ADAM2: variants seen among roughly 807,000 people sequenced by gnomAD.
ADAM2 encodes the protein disintegrin and metalloproteinase domain-containing protein 2.
Under a neutral mutation model 99.3 loss-of-function variants are expected in ADAM2, and 101 were observed. That is an observed-to-expected ratio of 1.02 (90% CI 0.87 to 1.20). The LOEUF (loss-of-function observed/expected upper bound fraction) is 1.20. Ranked by LOEUF, ADAM2 falls within the 50% of genes most tolerant of loss-of-function variation. The pLI is 0.00. For missense variants in ADAM2, 948 were observed against 878.7 expected, an observed-to-expected ratio of 1.08 and a Z score of -1.00; for synonymous variants, 323 against 287.6, an observed-to-expected ratio of 1.12 and a Z score of -1.25.
Position 39,837,213 on chromosome 8 carries a change from C to A in ADAM2, c.56-1G>T, listed in dbSNP as rs1563391033. On this transcript the variant is annotated splice_acceptor_variant, in intron 1 of 20. Coordinates refer to ENST00000265708, the MANE Select transcript of ADAM2 (RefSeq NM_001464.5). LOFTEE classifies it high-confidence loss of function. ...ATTTGCACAGGTAAACTATCAAAAT[C>A]TGCAAAATGTGCAAAATGTTTTATT... The A allele has an allele frequency of 6.2e-7, 1 of 1,602,358 alleles. No homozygotes were observed. Among genetic ancestry groups the A allele is most frequent in the South Asian group, 1.1e-5 (1 of 89,180 alleles).
At chr8:39,779,673 T>C (rs1803140265) in intron 10 of ADAM2, among the ~76,000 whole-genome samples, 1 of 152,150 alleles carries the variant, frequency 6.6e-6, no homozygotes, top group Non-Finnish European at 1.5e-5. Context: ...TTTTGGTGAA[T>C]ATACCTGTTT....
At chr8:39,837,998 G>A (rs1044622755) in intron 1 of ADAM2, 133 bp downstream of exon 1, 33 of 947,014 alleles carry the variant, frequency 3.5e-5, no homozygotes, top group Admixed American at 6.5e-5. Context: ...GCAATGTCGG[G>A]GATGAGCTTG....
chr8:39,756,856 T>C (rs982120659), intron 15 of ADAM2, among the ~76,000 whole-genome samples: 9 of 152,184 alleles, frequency 5.9e-5, no homozygotes, highest in African/African-American at 2.2e-4. Context: ...CATTCTGTGA[T>C]CATGAAAGAT....
intron 18 of ADAM2, among the ~76,000 whole-genome samples, chr8:39,748,816 G>A (rs936244694): frequency 2.6e-5 from 4 of 152,090 alleles, no homozygotes; most frequent in African/African-American, 7.2e-5. Flanking sequence ...AACAGTGACT[G>A]TATATTCTCT....
chr8:39,797,870 G>A (rs1445354993), intron 7 of ADAM2, among the ~76,000 whole-genome samples: 1 of 152,198 alleles, frequency 6.6e-6, no homozygotes, highest in Non-Finnish European at 1.5e-5. Flanking sequence ...AGGAATGCTT[G>A]TGATTTTTGC....
Position 39,767,278 on chromosome 8 carries a change from G to A in ADAM2, c.1213-27C>T. The A allele has an allele frequency of 1.9e-6, 3 of 1,558,910 alleles. No individual in the cohort carries two copies. In the African/African-American group the frequency reaches 4.1e-5, roughly 21 times the overall value. On this transcript the variant is annotated intron_variant, in intron 12 of 20. Coordinates refer to ENST00000265708, the MANE Select transcript of ADAM2 (RefSeq NM_001464.5). Reference sequence around the variant, plus strand: ...TGTAAGGCAAATCAAATGCTCTGAAGTATTTTCCAACTTGTATTCATATTG... The same window carrying A: ...TGTAAGGCAAATCAAATGCTCTGAAATATTTTCCAACTTGTATTCATATTG...
chr8:39,798,923 T>C (rs184665745), intron 7 of ADAM2, among the ~76,000 whole-genome samples: 1 of 152,222 alleles, frequency 6.6e-6, no homozygotes, highest in African/African-American at 2.4e-5. Context: ...CTGGTTCTTC[T>C]CTCTTTTCTT....
intron 15 of ADAM2, among the ~76,000 whole-genome samples, chr8:39,760,363 A>G (rs2129583699): frequency 6.6e-6 from 1 of 152,304 alleles, no homozygotes; most frequent in East Asian, 1.9e-4. Context: ...AGGTCACACA[A>G]ATAGGTAAAG....
intron 4 of ADAM2, 131 bp downstream of exon 4, chr8:39,824,688 A>T (rs1805329347): frequency 1.5e-6 from 1 of 653,180 alleles, no homozygotes; most frequent in Non-Finnish European, 2.7e-6. Context: ...ATACATCATT[A>T]ACAGGAAAAC....
chr8:39,786,456 G>A (rs1483700662), intron 10 of ADAM2, among the ~76,000 whole-genome samples: 1 of 151,976 alleles, frequency 6.6e-6, no homozygotes, highest in Non-Finnish European at 1.5e-5. Context: ...AATAGTGATA[G>A]TATTATGAAA....
intron 4 of ADAM2, among the ~76,000 whole-genome samples, chr8:39,822,774 G>GT (rs955502343): frequency 2.0e-5 from 3 of 150,130 alleles, no homozygotes; most frequent in African/African-American, 7.3e-5. Flanking sequence ...TTTGTTTTTT[G>GT]TTTTTTGCTT....
At chr8:39,754,781 G>A (rs1042185642) in intron 16 of ADAM2, among the ~76,000 whole-genome samples, 1 of 152,032 alleles carries the variant, frequency 6.6e-6, no homozygotes, top group Non-Finnish European at 1.5e-5. Context: ...ACTAATTTGA[G>A]CTTGCACCTC....
intron 14 of ADAM2, among the ~76,000 whole-genome samples, chr8:39,761,487 A>G (rs1486518200): frequency 6.6e-6 from 1 of 152,246 alleles, no homozygotes; most frequent in African/African-American, 2.4e-5. Context: ...CTGGTCTACT[A>G]TTCAAAGACA....
chr8:39,772,398 T>G (rs1038583270), intron 11 of ADAM2, among the ~76,000 whole-genome samples: 1 of 151,980 alleles, frequency 6.6e-6, no homozygotes, highest in African/African-American at 2.4e-5. Flanking sequence ...GATAGACATG[T>G]TTTTGTAAGC....
At chr8:39,813,328 T>C (rs1002967902) in intron 6 of ADAM2, among the ~76,000 whole-genome samples, 2 of 152,212 alleles carry the variant, frequency 1.3e-5, no homozygotes, top group African/African-American at 4.8e-5. Flanking sequence ...GGTGGGACTA[T>C]AAACTAGTTC....
intron 16 of ADAM2, among the ~76,000 whole-genome samples, chr8:39,752,874 G>T (rs1022230912): frequency 1.3e-5 from 2 of 152,094 alleles, no homozygotes; most frequent in African/African-American, 4.8e-5. Flanking sequence ...TGCCATGATT[G>T]TGAGGCCTCC....
intron 7 of ADAM2, 53 bp from the exon 8 acceptor site, chr8:39,788,793 T>C (rs1385177245): frequency 2.2e-6 from 2 of 929,368 alleles, no homozygotes; most frequent in Non-Finnish European, 3.1e-6. Flanking sequence ...TAACATTTAA[T>C]GATTGTTATT....
In ADAM2 at chr8:39,766,998, C is replaced by T. The variant is rs775998804; in HGVS notation, c.1357G>A (p.Asp453Asn). ...GATCCATTGCAATATTCAGGGAGGT[C>T]GCATTCTTCAAAGGAAGGCCTACAC... ...RMCRPSFEEC[D>N]LPEYCNGSSA... The change falls in exon 14 of 21, where the codon GAC (aspartate) becomes AAC (asparagine). Residue 453 changes from aspartate (D) to asparagine (N), a missense_variant. By Grantham distance (23) the Asp-to-Asn change is conservative (BLOSUM62 1). Transcript: ENST00000265708. The T allele has an allele frequency of 1.1e-5, 18 of 1,613,910 alleles. No individual in the cohort carries two copies. Among genetic ancestry groups the T allele is most frequent in the Middle Eastern group, 1.6e-4 (1 of 6,084 alleles).
At chr8:39,769,717 G>A in intron 11 of ADAM2, 142 bp from the exon 12 acceptor site, 3 of 594,406 alleles carry the variant, frequency 5.0e-6, no homozygotes, top group Non-Finnish European at 6.0e-6. Context: ...TCTGTGCATG[G>A]GAAGTCAACT....
Sources: gnomAD v4.1 joint callset for allele counts (sites outside exome capture counted in the v4.1 genomes callset) on GRCh38, gnomAD v4.1.1 for gene constraint, MANE v1.5 for transcripts, NCBI Gene and HGNC (gene_info 2026-07-23, HGNC 2026-07-21) for gene names.